Variants in ERI3 observed in about 807,000 individuals in gnomAD.
ERI3 encodes the protein ERI1 exoribonuclease family member 3.
ERI3 carries 18 observed loss-of-function variants against 44.4 expected under a neutral mutation model. The observed-to-expected ratio is 0.41, with a 90% confidence interval of 0.28 to 0.60. The LOEUF (loss-of-function observed/expected upper bound fraction) is 0.60. Ranked by LOEUF, ERI3 falls within the 20% of genes least tolerant of loss-of-function variation. ERI3 has a pLI of 0.36. For synonymous variants in ERI3, 183 were observed against 164.8 expected, an observed-to-expected ratio of 1.11 and a Z score of -0.84; for missense variants, 294 against 435.5, an observed-to-expected ratio of 0.68 and a Z score of 2.89.
intron 4 of ERI3, among the ~76,000 whole-genome samples, chr1:44,318,159 T>A (rs1372210523): frequency 6.6e-6 from 1 of 152,150 alleles, no homozygotes; most frequent in African/African-American, 2.4e-5. Context: ...AAGTCCCTCT[T>A]CTTCCGATAC....
chr1:44,317,911 T>C lies in ERI3; in HGVS notation c.606+1717A>G, dbSNP rs191279727. On this transcript the variant is annotated intron_variant, in intron 4 of 8. Coordinates refer to ENST00000372257, the MANE Select transcript of ERI3 (RefSeq NM_024066.3). ...AAAGGATGGACAAGATCATGGCGAG[T>C]TTTGAGCTCTGGAAACCTGAGACAA... is the stretch of plus-strand genomic sequence containing the variant. Among the ~76,000 whole-genome samples the C allele has an allele frequency of 2.0e-4, 30 of 151,632 alleles. No homozygotes were observed. The East Asian group carries it at 5.8e-3, about 29-fold the overall frequency.
At position 44,228,821 on chromosome 1, in the gene ERI3, A is replaced by G. The variant is rs532349303; in HGVS notation, c.932-7181T>C. On this transcript the variant is annotated intron_variant, in intron 8 of 8. Coordinates refer to ENST00000372257, the MANE Select transcript of ERI3 (RefSeq NM_024066.3). This position sits in a 1 kb window ranked among gnomAD's most constrained non-coding sequence, Gnocchi z 4.3. ...CTTGCAGTGCATTTGGCCACCAGGA[A>G]CTCAACTCAGATTTGGCGAGGCAAA... is the stretch of plus-strand genomic sequence containing the variant. 1.3e-5 allele frequency among the ~76,000 whole-genome samples: 2 copies of G among 152,324 alleles called. No individual in the cohort carries two copies. Among genetic ancestry groups the G allele is most frequent in the African/African-American group, 4.8e-5 (2 of 41,568 alleles).
intron 7 of ERI3, among the ~76,000 whole-genome samples, chr1:44,278,435 C>A (rs993660585): frequency 6.6e-6 from 1 of 150,708 alleles, no homozygotes; most frequent in Non-Finnish European, 1.5e-5. Context: ...CAAGATCATG[C>A]CACTGCACTT....
At chr1:44,290,626 C>T (rs530721468) in intron 6 of ERI3, among the ~76,000 whole-genome samples, 13 of 152,274 alleles carry the variant, frequency 8.5e-5, no homozygotes, top group Admixed American at 2.6e-4. Flanking sequence ...GTATCCAGCA[C>T]GTTCAGGCTA....
At chr1:44,272,460 T>C (rs1305974726) in intron 7 of ERI3, among the ~76,000 whole-genome samples, 1 of 152,168 alleles carries the variant, frequency 6.6e-6, no homozygotes, top group Non-Finnish European at 1.5e-5. Flanking sequence ...TCAGCGTATA[T>C]ACCATGTATC....
intron 8 of ERI3, among the ~76,000 whole-genome samples, chr1:44,243,230 T>C (rs181156167): frequency 6.6e-6 from 1 of 152,284 alleles, no homozygotes; most frequent in East Asian, 1.9e-4. Flanking sequence ...CCATGCCACC[T>C]GTACCACAAG....
chr1:44,344,576 C>T (rs558394433), intron 2 of ERI3, among the ~76,000 whole-genome samples: 52 of 152,278 alleles, frequency 3.4e-4, no homozygotes, highest in Admixed American at 7.2e-4. Flanking sequence ...TTGCACCCTC[C>T]GGTGTCTTAG....
intron 7 of ERI3, among the ~76,000 whole-genome samples, chr1:44,276,468 T>C (rs553589613): frequency 6.6e-6 from 1 of 152,362 alleles, no homozygotes; most frequent in East Asian, 1.9e-4. Flanking sequence ...TGGAGGTCTC[T>C]TCCATCCTTT....
At chr1:44,345,629 C>G (rs1177846549) in intron 2 of ERI3, among the ~76,000 whole-genome samples, 1 of 152,204 alleles carries the variant, frequency 6.6e-6, no homozygotes, top group Non-Finnish European at 1.5e-5. Context: ...CTGTCTGGAA[C>G]TCAGTCACTG....
intron 3 of ERI3, among the ~76,000 whole-genome samples, chr1:44,336,455 G>A (rs1452947940): frequency 6.6e-6 from 1 of 152,194 alleles, no homozygotes; most frequent in Non-Finnish European, 1.5e-5. Context: ...CCCAACTGTT[G>A]ATCACAGCAT....
At chr1:44,244,157 A>G (rs1405667227) in intron 8 of ERI3, 1 of 152,740 alleles carries the variant, frequency 6.5e-6, no homozygotes, top group Non-Finnish European at 1.5e-5. Context: ...GCCCTCCCTC[A>G]GAGCCTGTGG....
chr1:44,339,069 G>A lies in ERI3; in HGVS notation c.465C>T (p.Cys155=), dbSNP rs148685420. 7.6e-5 allele frequency: 122 copies of A among 1,613,494 alleles called. 1 individual carries two copies. The highest frequency in any genetic ancestry group is 3.3e-4 in the Middle Eastern group (2 of 6,000). The change falls in exon 3 of 9, where the codon TGC becomes TGT. Residue 155 remains cysteine, a synonymous_variant. Coordinates refer to ENST00000372257, the MANE Select transcript of ERI3 (RefSeq NM_024066.3). ...YFLVLDFEAT[C]DKPQIHPQEI... ...CCTGAGGATGAATCTGTGGCTTGTCGCACGTGGCCTCAAAGTCCAGCACTA... is the reference window on the plus strand; with the variant it reads ...CCTGAGGATGAATCTGTGGCTTGTCACACGTGGCCTCAAAGTCCAGCACTA...
At chr1:44,323,923 G>C (rs1646253861) in intron 3 of ERI3, among the ~76,000 whole-genome samples, 1 of 152,158 alleles carries the variant, frequency 6.6e-6, no homozygotes, top group Admixed American at 6.5e-5. Context: ...AGTCTAAAAG[G>C]CTATCCTGTA....
intron 2 of ERI3, among the ~76,000 whole-genome samples, chr1:44,342,836 T>A (rs1394157367): frequency 6.2e-4 from 17 of 27,602 alleles, no homozygotes; most frequent in South Asian, 1.1e-3. Flanking sequence ...TATATATATA[T>A]ATATATATAT....
At chr1:44,242,177 G>A in intron 8 of ERI3, 1 of 974,136 alleles carries the variant, frequency 1.0e-6, no homozygotes, top group East Asian at 1.1e-4. Context: ...GATGGGAGGG[G>A]GCAGTAGTGT....
intron 7 of ERI3, among the ~76,000 whole-genome samples, chr1:44,263,217 G>A (rs887643454): frequency 6.6e-6 from 1 of 152,262 alleles, no homozygotes; most frequent in African/African-American, 2.4e-5. Flanking sequence ...AAAGGGAGGG[G>A]GAAGAATGAT....
At chr1:44,297,293 C>A (rs559113959) in intron 6 of ERI3, among the ~76,000 whole-genome samples, 1 of 152,154 alleles carries the variant, frequency 6.6e-6, no homozygotes, top group East Asian at 1.9e-4. Context: ...CAAAGCTAAG[C>A]CCCCAGAGTC....
intron 6 of ERI3, among the ~76,000 whole-genome samples, chr1:44,306,185 T>G (rs943311696): frequency 3.3e-5 from 5 of 152,224 alleles, no homozygotes; most frequent in African/African-American, 1.2e-4. Flanking sequence ...ACCTGCTTCC[T>G]TTCTGAAAAC....
Position 44,250,734 on chromosome 1 carries a change from G to T in ERI3, c.832-2696C>A, listed in dbSNP as rs546066089. On this transcript the variant is annotated intron_variant, in intron 7 of 8. Coordinates refer to ENST00000372257, the MANE Select transcript of ERI3 (RefSeq NM_024066.3). ...CCTCATCCAGCACTTCCTCAGGGGG[G>T]GCATGGGGCGGGAGAGGGGGTGGCG... is the stretch of plus-strand genomic sequence containing the variant. Among the ~76,000 whole-genome samples, 4 of 152,268 alleles carry T rather than the reference G, an allele frequency of 2.6e-5. No individual in the cohort carries two copies. The South Asian group carries it at 8.3e-4, about 32-fold the overall frequency.
Sources: allele counts gnomAD v4.1 joint callset (sites outside exome capture counted in the v4.1 genomes callset), GRCh38; gene constraint gnomAD v4.1.1; non-coding constraint Gnocchi (gnomAD v3.1); transcripts MANE v1.5; gene names NCBI Gene and HGNC (gene_info 2026-07-23, HGNC 2026-07-21).